Variants in CAP2 observed in about 807,000 individuals in gnomAD.
CAP2 encodes the protein cyclase associated actin cytoskeleton regulatory protein 2.
CAP2 carries 24 observed loss-of-function variants against 57.7 expected under a neutral mutation model. That is an observed-to-expected ratio of 0.42 (90% CI 0.30 to 0.58). The LOEUF is 0.58. Among genes scored for constraint, CAP2 ranks in the 20% least tolerant of loss-of-function variants. The pLI is 0.22. For synonymous variants in CAP2, 194 were observed against 207.2 expected (o/e 0.94, Z 0.55); for missense variants, 501 against 590.3 (o/e 0.85, Z 1.57).
chr6:17,483,334 T>C (rs1761341094), intron 4 of CAP2, among the ~76,000 whole-genome samples: 1 of 152,220 alleles, frequency 6.6e-6, no homozygotes, highest in Non-Finnish European at 1.5e-5. Context: ...CTTGATTTCT[T>C]TTTTTTCCTC....
At position 17,457,644 on chromosome 6, in the gene CAP2, A is replaced by C. The variant is rs1040148859; in HGVS notation, c.223-5352A>C. On this transcript the variant is annotated intron_variant, in intron 3 of 12. Transcript: ENST00000229922. ...TAAGCAAAATGGAAGGGAGAGTTGA[A>C]GCAGATATCTCAATATTGGGCCATT... is the stretch of plus-strand genomic sequence containing the variant. Among the ~76,000 whole-genome samples the C allele has an allele frequency of 3.3e-5, 5 of 152,216 alleles. No homozygotes were observed. In the South Asian group the frequency reaches 8.3e-4, roughly 25 times the overall value.
intron 7 of CAP2, chr6:17,536,180 T>G (rs1367096679): frequency 4.4e-6 from 2 of 456,448 alleles, no homozygotes; most frequent in Non-Finnish European, 8.8e-6. Context: ...ATTCCACTTG[T>G]GGCCAGACAT....
At position 17,472,261 on chromosome 6, in the gene CAP2, G is replaced by A. The variant is rs1169914513; in HGVS notation, c.300+9188G>A. ...AGGCAGGAGAATGGCGTGAACCCGG[G>A]AGGCGGAGCTTGCAGTGAGCCGAGA... On this transcript the variant is annotated intron_variant, in intron 4 of 12. Transcript: ENST00000229922. 2.6e-4 allele frequency among the ~76,000 whole-genome samples: 8 copies of A among 30,574 alleles called. 3 individuals are homozygous for A. Among genetic ancestry groups the A allele is most frequent in the African/African-American group, 5.4e-4 (2 of 3,674 alleles). The allele number at this position is 30,574 out of a possible 152,430, so 20.1% of individuals were successfully genotyped here.
chr6:17,529,640 CA>C lies in CAP2; in HGVS notation c.637-9617del, dbSNP rs1554129487. Among the ~76,000 whole-genome samples the C allele has an allele frequency of 0.011, 1,261 of 117,298 alleles. 33 individuals are homozygous for C. The East Asian group carries it at 0.11, about 10-fold the overall frequency. 77.0% of individuals were successfully genotyped at this position (117,298 alleles called of 152,430 possible). ...TGGGCAACAGAGCAAGACTCCGTCT[CA>C]AAAAAAAAAAATATATATATATATA... On this transcript the variant is annotated intron_variant, in intron 7 of 12. Coordinates refer to ENST00000229922, the MANE Select transcript of CAP2 (RefSeq NM_006366.3).
At chr6:17,551,708 G>T in intron 12 of CAP2, 104 bp downstream of exon 12, 1 of 875,176 alleles carries the variant, frequency 1.1e-6, no homozygotes, top group Non-Finnish European at 1.7e-6. Context: ...TTTATTTGTA[G>T]CATAATTCAC....
At chr6:17,413,270 A>G (rs956839642) in intron 1 of CAP2, among the ~76,000 whole-genome samples, 1 of 152,226 alleles carries the variant, frequency 6.6e-6, no homozygotes, top group African/African-American at 2.4e-5. Context: ...TATTCTGATT[A>G]CACCATCTCA....
intron 6 of CAP2, among the ~76,000 whole-genome samples, chr6:17,512,546 A>G (rs1304387489): frequency 2.2e-4 from 33 of 152,236 alleles, no homozygotes; most frequent in Admixed American, 2.0e-3. Flanking sequence ...TGCTCTAATA[A>G]TAGCTATGTG....
chr6:17,459,780 A>G (rs1760674712), intron 3 of CAP2, among the ~76,000 whole-genome samples: 1 of 152,206 alleles, frequency 6.6e-6, no homozygotes, highest in African/African-American at 2.4e-5. Context: ...TTGTTTACTA[A>G]CAATAGAAAA....
chr6:17,541,233 A>G, intron 9 of CAP2, 85 bp downstream of exon 9: 1 of 1,106,108 alleles, frequency 9.0e-7, no homozygotes, highest in Non-Finnish European at 1.3e-6. Context: ...GATCTGAAGG[A>G]TTTCTTTTTT....
At chr6:17,524,332 T>C (rs1358546398) in intron 7 of CAP2, among the ~76,000 whole-genome samples, 3 of 152,188 alleles carry the variant, frequency 2.0e-5, no homozygotes, top group African/African-American at 7.2e-5. Flanking sequence ...ATGTGTTCTA[T>C]TTAGAACTGT....
At chr6:17,393,809 C>A (rs1253155886) in intron 1 of CAP2, 63 bp downstream of exon 1, 2 of 152,368 alleles carry the variant, frequency 1.3e-5, no homozygotes, top group African/African-American at 4.9e-5. Context: ...GTGCGGGGGG[C>A]GCCTGGCGGC....
intron 7 of CAP2, among the ~76,000 whole-genome samples, chr6:17,529,356 CTCTG>C (rs1305840122): frequency 6.6e-6 from 1 of 151,650 alleles, no homozygotes; most frequent in South Asian, 2.1e-4. Context: ...TATAAACACA[CTCTG>C]TCTGGGCGTG....
At position 17,438,629 on chromosome 6, in the gene CAP2, C is replaced by T. The variant is rs544434501; in HGVS notation, c.222+11939C>T. On this transcript the variant is annotated intron_variant, in intron 3 of 12. Transcript: ENST00000229922. ...AATTTTTTTGTATTTTTAGTAGAGA[C>T]GGGGTTTCACAGTGTTAGCCAGGAT... is the stretch of plus-strand genomic sequence containing the variant. 1.1e-3 allele frequency among the ~76,000 whole-genome samples: 156 copies of T among 145,442 alleles called. 3 individuals carry two copies. The highest frequency in any genetic ancestry group is 3.2e-3 in the African/African-American group (123 of 38,722).
intron 7 of CAP2, among the ~76,000 whole-genome samples, chr6:17,515,075 T>C (rs1449712462): frequency 6.6e-6 from 1 of 151,706 alleles, no homozygotes; most frequent in Non-Finnish European, 1.5e-5. Context: ...GTGCACGCCA[T>C]AATCCCAGCT....
At chr6:17,445,935 A>G (rs1389759952) in intron 3 of CAP2, among the ~76,000 whole-genome samples, 2 of 152,256 alleles carry the variant, frequency 1.3e-5, no homozygotes, top group Non-Finnish European at 2.9e-5. Flanking sequence ...TAAGTACAGA[A>G]ATTATGCGTT....
chr6:17,412,677 G>A (rs138288546), intron 1 of CAP2, among the ~76,000 whole-genome samples: 19 of 152,098 alleles, frequency 1.2e-4, no homozygotes, highest in African/African-American at 4.3e-4. Context: ...GGGATGGTGA[G>A]GTAATTGTAC....
chr6:17,555,731 T>C lies in CAP2; in HGVS notation c.1351-628T>C, dbSNP rs192392135. Among the ~76,000 whole-genome samples the C allele has an allele frequency of 2.8e-3, 415 of 150,766 alleles. 2 individuals are homozygous for C. The highest frequency in any genetic ancestry group is 9.8e-3 in the African/African-American group (403 of 41,078). ...GGCGCATGCCACCATTCCTGGCTAA[T>C]TTTTTGTATTTTTTTAGTAGAGATA... On this transcript the variant is annotated intron_variant, in intron 12 of 12. Transcript: ENST00000229922.
intron 3 of CAP2, among the ~76,000 whole-genome samples, chr6:17,426,967 G>T (rs1206069853): frequency 8.5e-5 from 13 of 152,106 alleles, no homozygotes; most frequent in Admixed American, 8.5e-4. Flanking sequence ...ACTTTAGTCT[G>T]GGAAACAGAT....
chr6:17,455,334 T>C (rs1031529929), intron 3 of CAP2, among the ~76,000 whole-genome samples: 2 of 151,046 alleles, frequency 1.3e-5, no homozygotes, highest in African/African-American at 4.9e-5. Flanking sequence ...AATTACACAC[T>C]GTGTGTGGTC....
Sources: allele counts gnomAD v4.1 joint callset (sites outside exome capture counted in the v4.1 genomes callset), GRCh38; gene constraint gnomAD v4.1.1; transcripts MANE v1.5; gene names NCBI Gene and HGNC (gene_info 2026-07-23, HGNC 2026-07-21).